Variants in HLX observed in about 807,000 individuals in gnomAD.
HLX encodes H2.0-like homeobox protein.
HLX carries 6 observed loss-of-function variants against 27.7 expected under a neutral mutation model. That is an observed-to-expected ratio of 0.22 (90% CI 0.12 to 0.43). HLX has a LOEUF of 0.43. Among genes scored for constraint, HLX ranks in the 20% least tolerant of loss-of-function variants. The probability of loss-of-function intolerance (pLI) is 1.00; values close to 1 mark genes in which losing one functional copy is unlikely to be tolerated. For missense variants in HLX, 666 were observed against 655.2 expected (o/e 1.02, Z -0.18); for synonymous variants, 328 against 293.8 (o/e 1.12, Z -1.19).
chr1:220,879,766 G>A lies in HLX; in HGVS notation c.-92G>A, dbSNP rs1242757887. Reference sequence around the variant, plus strand: ...CGAAAGCGGATCGTCCTCGGCTGCCGCCGCCTTCTCCGGGACTCGCGCGCC... The same window carrying A: ...CGAAAGCGGATCGTCCTCGGCTGCCACCGCCTTCTCCGGGACTCGCGCGCC... On this transcript the variant is annotated 5_prime_UTR_variant, in exon 1 of 4. Coordinates refer to ENST00000366903, the MANE Select transcript of HLX (RefSeq NM_021958.4). 6 of 1,451,292 alleles carry A rather than the reference G, an allele frequency of 4.1e-6. No individual in the cohort carries two copies. The East Asian group carries it at 1.1e-4, about 26-fold the overall frequency. 89.9% of individuals were successfully genotyped at this position (1,451,292 alleles called of 1,614,324 possible).
At position 220,880,288 on chromosome 1, in the gene HLX, C is replaced by A. The variant is rs750225357; in HGVS notation, c.431C>A (p.Ala144Asp). 23 of 1,613,466 alleles carry A rather than the reference C, an allele frequency of 1.4e-5. No homozygotes were observed. In the Admixed American group the frequency reaches 3.7e-4, roughly 26 times the overall value. ...QQQQPPPPPR[A>D]GALQPPASGT... ...CAACAGCCTCCGCCTCCGCCCCGGG[C>A]TGGCGCCCTGCAGCCCCCGGCCTCG... Residue 144 changes from alanine (A) to aspartate (D), a missense_variant, in exon 1 of 4, where the codon GCT becomes GAT. By Grantham distance (126) the Ala-to-Asp change is moderately radical. Coordinates refer to ENST00000366903, the MANE Select transcript of HLX (RefSeq NM_021958.4).
chr1:220,881,228 C>T lies in HLX; in HGVS notation c.627C>T (p.Ala209=). The change falls in exon 2 of 4, where the codon GCC becomes GCT. Residue 209 remains alanine, a synonymous_variant. Transcript: ENST00000366903. ...CCCTGCTAACCGGTGGGCGGCCCGC[C>T]GGGGTGCACCTCTCAGGCCTGCAGC... ...LTSLLTGGRP[A]GVHLSGLQPS... The T allele has an allele frequency of 6.2e-7, 1 of 1,614,134 alleles. No individual in the cohort carries two copies. The highest frequency in any genetic ancestry group is 1.1e-5 in the South Asian group (1 of 91,086).
Position 220,884,806 on chromosome 1 carries a change from C to G in HLX, c.*102C>G, listed in dbSNP as rs1435793963. The G allele has an allele frequency of 1.3e-6, 2 of 1,507,068 alleles. No homozygotes were observed. The highest frequency in any genetic ancestry group is 1.8e-6 in the Non-Finnish European group (2 of 1,128,930). 93.4% of individuals were successfully genotyped at this position (1,507,068 alleles called of 1,614,324 possible). ...GTTGGCGACTTGGTAGGGCAGGAGA[C>G]GCAGCGTGGAGCCTACCTCCCGACA... On this transcript the variant is annotated 3_prime_UTR_variant, in exon 4 of 4. Coordinates refer to ENST00000366903, the MANE Select transcript of HLX (RefSeq NM_021958.4). This position sits in a 1 kb window ranked among gnomAD's most constrained non-coding sequence, Gnocchi z 4.9.
rs766628603 is a variant in HLX, at chr1:220,881,204, C to G, written c.603C>G (p.Ser201=). ...TTCCCTTGTCCCCAGATCTCACTTCCCTGCTAACCGGTGGGCGGCCCGCCG... is the reference window on the plus strand; with the variant it reads ...TTCCCTTGTCCCCAGATCTCACTTCGCTGCTAACCGGTGGGCGGCCCGCCG... The part of the protein sequence containing the change: ...KEGNTLRDLT[S]LLTGGRPAGV... Residue 201 remains serine, a synonymous_variant, in exon 2 of 4, where the codon TCC becomes TCG. Coordinates refer to ENST00000366903, the MANE Select transcript of HLX (RefSeq NM_021958.4). The G allele has an allele frequency of 6.2e-6, 10 of 1,613,944 alleles. No individual in the cohort carries two copies. In the Admixed American group the frequency reaches 1.2e-4, roughly 19 times the overall value.
Position 220,880,242 on chromosome 1 carries a change from C to G in HLX, c.385C>G (p.Gln129Glu). 6.2e-7 allele frequency: 1 copy of G among 1,612,936 alleles called. No homozygotes were observed. The highest frequency in any genetic ancestry group is 8.5e-7 in the Non-Finnish European group (1 of 1,179,278). The change falls in exon 1 of 4, where the codon CAG (glutamine) becomes GAG (glutamate). Residue 129 changes from glutamine to glutamate, a missense_variant. By Grantham distance (29) the Gln-to-Glu change is conservative. Coordinates refer to ENST00000366903, the MANE Select transcript of HLX (RefSeq NM_021958.4). ...YHHHHPQQQQ[Q>E]QQQPQQQQPP... ...CCACCATCACCCGCAACAACAACAGCAGCAGCAACAGCCGCAGCAGCAACA... is the reference window on the plus strand; with the variant it reads ...CCACCATCACCCGCAACAACAACAGGAGCAGCAACAGCCGCAGCAGCAACA...
chr1:220,880,365 T>A lies in HLX; in HGVS notation c.508T>A (p.Ser170Thr). The A allele has an allele frequency of 1.2e-6, 2 of 1,614,008 alleles. No individual in the cohort carries two copies. Among genetic ancestry groups the A allele is most frequent in the South Asian group, 2.2e-5 (2 of 91,074 alleles). Residue 170 changes from serine (S) to threonine (T), a missense_variant, in exon 1 of 4, where the codon TCC becomes ACC. Ser to Thr is a moderately conservative substitution (Grantham distance 58, BLOSUM62 1). Coordinates refer to ENST00000366903, the MANE Select transcript of HLX (RefSeq NM_021958.4). ...CCACAGTGGCTCTGCCCCGGCCCCC[T>A]CCAGCAAAGACCTCAAATTTGGAAT... is the stretch of plus-strand genomic sequence containing the variant. ...PHHSGSAPAPSSKDLKFGIDR... is the reference protein window; with the variant it reads ...PHHSGSAPAPTSKDLKFGIDR...
rs1225968190 is a variant in HLX at position 220,880,274 on chromosome 1, G to A, written c.417G>A (p.Pro139=). Residue 139 remains proline (P), a synonymous_variant, in exon 1 of 4, where the codon CCG becomes CCA. Coordinates refer to ENST00000366903, the MANE Select transcript of HLX (RefSeq NM_021958.4). ...QQQQPQQQQP[P]PPPRAGALQP... ...AACAGCCGCAGCAGCAACAGCCTCC[G>A]CCTCCGCCCCGGGCTGGCGCCCTGC... 5 of 1,613,254 alleles carry A rather than the reference G, an allele frequency of 3.1e-6. No homozygotes were observed. Among genetic ancestry groups the A allele is most frequent in the Admixed American group, 3.3e-5 (2 of 59,944 alleles).
At chr1:220,880,655 G>T (rs1674406757) in intron 1 of HLX, 1 of 612,482 alleles carries the variant, frequency 1.6e-6, no homozygotes, top group Non-Finnish European at 2.9e-6. Flanking sequence ...TGACTCCAGG[G>T]ATTCTTTAAA....
chr1:220,880,684 T>C (rs1054621555), intron 1 of HLX: 17 of 593,286 alleles, frequency 2.9e-5, no homozygotes, highest in Admixed American at 8.9e-5. Context: ...TTAGAATCAA[T>C]ATTTATAAAA....
At chr1:220,883,284 T>C (rs1674497459) in intron 3 of HLX, 1 of 140,858 alleles carries the variant, frequency 7.1e-6, no homozygotes, top group Admixed American at 7.1e-5. Flanking sequence ...TTCTCCCCAG[T>C]ACACACACAC....
In HLX at chr1:220,884,191, G is replaced by A. The variant is rs77983908; in HGVS notation, c.958-4G>A. ...TTCTTGTCTCCCGGTGTGGCGCGGC[G>A]CAGGTGAAGGTGTGGTTCCAGAACC... On this transcript the variant is annotated splice_region_variant and splice_polypyrimidine_tract_variant and intron_variant, in intron 3 of 3. Transcript: ENST00000366903. This position sits in a 1 kb window ranked among gnomAD's most constrained non-coding sequence, Gnocchi z 4.9. 69 of 1,613,932 alleles carry A rather than the reference G, an allele frequency of 4.3e-5. No individual in the cohort carries two copies. The African/African-American group carries it at 8.5e-4, about 20-fold the overall frequency.
In HLX at chr1:220,880,329, C is replaced by A. The variant is rs1674398421; in HGVS notation, c.472C>A (p.Pro158Thr). The A allele has an allele frequency of 6.2e-7, 1 of 1,613,846 alleles. No individual in the cohort carries two copies. The highest frequency in any genetic ancestry group is 1.3e-5 in the African/African-American group (1 of 74,880). ...CCCGGCCTCGGGGACGCGAGTGGTT[C>A]CGAACCCCCACCACAGTGGCTCTGC... ...QPPASGTRVV[P>T]NPHHSGSAPA... Residue 158 changes from proline (P) to threonine (T), a missense_variant, in exon 1 of 4, where the codon CCG becomes ACG. Transcript: ENST00000366903.
chr1:220,881,393 T>A lies in HLX; in HGVS notation c.772+20T>A, dbSNP rs74140371. On this transcript the variant is annotated intron_variant, in intron 2 of 3. Coordinates refer to ENST00000366903, the MANE Select transcript of HLX (RefSeq NM_021958.4). ...TTCCAGGTACGGAAAAACTCCAGAG[T>A]ACTGCCTAACGGGCGAGCCGACTAA... 1.4e-3 allele frequency: 2,266 copies of A among 1,603,004 alleles called. 25 individuals are homozygous for A. The African/African-American group carries it at 0.025, about 18-fold the overall frequency.
In HLX at chr1:220,884,191, G is replaced by C. The variant is rs77983908; in HGVS notation, c.958-4G>C. ...TTCTTGTCTCCCGGTGTGGCGCGGC[G>C]CAGGTGAAGGTGTGGTTCCAGAACC... On this transcript the variant is annotated splice_region_variant and splice_polypyrimidine_tract_variant and intron_variant, in intron 3 of 3. Transcript: ENST00000366903. This position sits in a 1 kb window ranked among gnomAD's most constrained non-coding sequence, Gnocchi z 4.9. The C allele has an allele frequency of 1.9e-6, 3 of 1,613,934 alleles. No homozygotes were observed. Among genetic ancestry groups the C allele is most frequent in the Non-Finnish European group, 2.5e-6 (3 of 1,179,996 alleles).
Position 220,882,167 on chromosome 1 carries a change from C to G in HLX, c.776C>G (p.Pro259Arg), listed in dbSNP as rs780475285. The G allele has an allele frequency of 6.2e-7, 1 of 1,614,040 alleles. No individual in the cohort carries two copies. Among genetic ancestry groups the G allele is most frequent in the Non-Finnish European group, 8.5e-7 (1 of 1,179,980 alleles). Residue 259 changes from proline (P) to arginine (R), a missense_variant, in exon 3 of 4, where the codon CCC becomes CGC. Transcript: ENST00000366903. ...QHQFQDTFPGPYAVLTKDTMP... is the reference protein window; with the variant it reads ...QHQFQDTFPGRYAVLTKDTMP... The stretch of plus-strand genomic sequence containing the variant: ...TCTGGCTCCCGTTCTGCGGCAGGTC[C>G]CTATGCTGTGCTCACGAAGGACACC...
intron 1 of HLX, 32 bp from the exon 2 acceptor site, chr1:220,881,162 T>G (rs1423195648): frequency 6.3e-7 from 1 of 1,598,112 alleles, no homozygotes; most frequent in Non-Finnish European, 8.6e-7. Context: ...GTGCCCGAGA[T>G]GTAACCTGCT....
rs1026598328 is a variant in HLX, at chr1:220,884,020, T to C, written c.958-175T>C. ...GGATTCCTGGCTTCTTGTGTTCCCC[T>C]GGGCTGCCCCTTGGCTCCTGCGCCT... On this transcript the variant is annotated intron_variant, in intron 3 of 3. Coordinates refer to ENST00000366903, the MANE Select transcript of HLX (RefSeq NM_021958.4). The surrounding 1 kb of genome is among the most constrained non-coding windows in gnomAD (Gnocchi z 4.9). 6 of 663,002 alleles carry C rather than the reference T, an allele frequency of 9.0e-6. No individual in the cohort carries two copies. In the Admixed American group the frequency reaches 1.3e-4, roughly 14 times the overall value. 41.1% of individuals were successfully genotyped at this position (663,002 alleles called of 1,614,324 possible). A position where few individuals can be genotyped will look rare whatever the true frequency, so the allele number is the denominator to read the frequency against.
Position 220,879,448 on chromosome 1 carries a change from T to A in HLX, c.-410T>A. 1.8e-5 allele frequency: 1 copy of A among 56,322 alleles called. No homozygotes were observed. Among genetic ancestry groups the A allele is most frequent in the Non-Finnish European group, 3.4e-5 (1 of 29,744 alleles). The allele number at this position is 56,322 out of a possible 1,614,324, so 3.5% of individuals were successfully genotyped here. On this transcript the variant is annotated 5_prime_UTR_variant, in exon 1 of 4. Coordinates refer to ENST00000366903, the MANE Select transcript of HLX (RefSeq NM_021958.4). ...ACGAGTTTTTTTTTTTTTCTATTAC[T>A]TTTCCCCCCCCCTAACTAACGGACT...
rs911998597 is a variant in HLX, at chr1:220,879,544, C to G, written c.-314C>G. The G allele has an allele frequency of 1.3e-5, 6 of 452,850 alleles. No homozygotes were observed. Among genetic ancestry groups the G allele is most frequent in the Non-Finnish European group, 3.9e-6 (1 of 256,252 alleles). The allele number at this position is 452,850 out of a possible 1,614,324, so 28.1% of individuals were successfully genotyped here. Reference sequence around the variant, plus strand: ...GGGTTTTCTTGCGGTGTCCGGCTCCCGTCTCCCTGGCTCCCCCGCCCGCCC... The same window carrying G: ...GGGTTTTCTTGCGGTGTCCGGCTCCGGTCTCCCTGGCTCCCCCGCCCGCCC... On this transcript the variant is annotated 5_prime_UTR_variant, in exon 1 of 4. Transcript: ENST00000366903.
Sources: allele counts gnomAD v4.1 joint callset, GRCh38; gene constraint gnomAD v4.1.1; non-coding constraint Gnocchi (gnomAD v3.1); transcripts MANE v1.5; gene names NCBI Gene and HGNC (gene_info 2026-07-23, HGNC 2026-07-21).